The following EXOC6B variants were observed in gnomAD, a reference collection of about 807,000 sequenced individuals.
EXOC6B encodes SEC15 homolog B.
A neutral mutation model predicts 113.5 loss-of-function variants in EXOC6B; 54 were observed. The ratio of observed to expected loss-of-function variants is 0.48; its 90% CI spans 0.38 to 0.60. The LOEUF is 0.60. Among genes scored for constraint, EXOC6B ranks in the 20% least tolerant of loss-of-function variants. The pLI, the probability that EXOC6B is intolerant of heterozygous loss-of-function variation, is 0.00. For missense variants in EXOC6B, 797 were observed against 977.5 expected (o/e 0.82, Z 2.46); for synonymous variants, 357 against 339.0 (o/e 1.05, Z -0.58).
intron 18 of EXOC6B, among the ~76,000 whole-genome samples, chr2:72,384,884 G>A (rs189553386): frequency 2.0e-5 from 3 of 152,088 alleles, no homozygotes; most frequent in East Asian, 1.9e-4. Context: ...ATGGAAAGAC[G>A]TATCATGTTC....
intron 20 of EXOC6B, among the ~76,000 whole-genome samples, chr2:72,237,744 C>T (rs911391701): frequency 6.6e-6 from 1 of 152,112 alleles, no homozygotes; most frequent in Non-Finnish European, 1.5e-5. Context: ...CAGAGTCTGA[C>T]ATTATGGCAG....
At chr2:72,318,948 T>C (rs1201420262) in intron 20 of EXOC6B, among the ~76,000 whole-genome samples, 1 of 151,594 alleles carries the variant, frequency 6.6e-6, no homozygotes, top group Middle Eastern at 3.2e-3. Flanking sequence ...GTTGGGCTTC[T>C]ATAAAACTGA....
rs1159404302 is a variant in EXOC6B, at chr2:72,575,682, G to A, written c.670-14C>T. 8 of 1,559,136 alleles carry A rather than the reference G, an allele frequency of 5.1e-6. No homozygotes were observed. The highest frequency in any genetic ancestry group is 4.8e-5 in the East Asian group (2 of 41,316). On this transcript the variant is annotated splice_polypyrimidine_tract_variant and intron_variant, in intron 6 of 21. Transcript: ENST00000272427. ...TTGCTGCTGGGCCTAGGATAGAGAA[G>A]AACACACACAAACACACCAAAAAGG...
In EXOC6B at chr2:72,177,313, A is replaced by G. The variant is rs1349551888; in HGVS notation, c.*2022T>C. 3.3e-5 allele frequency: 5 copies of G among 152,350 alleles called. No homozygotes were observed. Among genetic ancestry groups the G allele is most frequent in the African/African-American group, 1.2e-4 (5 of 41,580 alleles). The allele number at this position is 152,350 out of a possible 1,614,324, so 9.4% of individuals were successfully genotyped here. ...GACAAACACTGTGCCATGCTTACAC[A>G]TCTCTCCATTTCCACTTCAAAGTCT... On this transcript the variant is annotated 3_prime_UTR_variant, in exon 22 of 22. Transcript: ENST00000272427.
intron 20 of EXOC6B, among the ~76,000 whole-genome samples, chr2:72,211,125 G>C (rs1680160559): frequency 6.6e-6 from 1 of 152,052 alleles, no homozygotes; most frequent in South Asian, 2.1e-4. Flanking sequence ...TAACTGCCTG[G>C]GCGCCTGCAA....
At chr2:72,738,726 A>C (rs546569649) in intron 2 of EXOC6B, among the ~76,000 whole-genome samples, 1 of 152,276 alleles carries the variant, frequency 6.6e-6, no homozygotes, top group African/African-American at 2.4e-5. Flanking sequence ...GTGTAATAGC[A>C]ACACTTTGGG....
chr2:72,721,981 C>T (rs1007287831), intron 5 of EXOC6B: 1 of 143,252 alleles, frequency 7.0e-6, no homozygotes, highest in African/African-American at 2.6e-5. Context: ...CATTGCAGTA[C>T]CTCCAGGAAT....
chr2:72,360,943 A>AC (rs1296784745), intron 19 of EXOC6B, among the ~76,000 whole-genome samples: 2 of 151,496 alleles, frequency 1.3e-5, no homozygotes, highest in East Asian at 3.9e-4. Context: ...AAAAAAAAAA[A>AC]AAAAAAAATT....
At position 72,190,026 on chromosome 2, in the gene EXOC6B, CCTT is replaced by C. The variant is rs1678730972; in HGVS notation, c.2197-5842_2197-5840del. Among the ~76,000 whole-genome samples, 3 of 141,388 alleles carry C rather than the reference CCTT, an allele frequency of 2.1e-5. No individual in the cohort carries two copies. In the South Asian group the frequency reaches 7.9e-4, roughly 37 times the overall value. 92.8% of individuals were successfully genotyped at this position (141,388 alleles called of 152,430 possible). On this transcript the variant is annotated intron_variant, in intron 20 of 21. Coordinates refer to ENST00000272427, the MANE Select transcript of EXOC6B (RefSeq NM_015189.3). ...CTTTCCCTCCCTCCCTCCCTTCCTTCCTTCTTCTCTCTTTTTTCCTAAGAGACC... is the reference window on the plus strand; with the variant it reads ...CTTTCCCTCCCTCCCTCCCTTCCTTCCTTCTCTCTTTTTTCCTAAGAGACC...
At position 72,289,732 on chromosome 2, in the gene EXOC6B, G is replaced by C. The variant is rs528470550; in HGVS notation, c.2196+45215C>G. 4.0e-4 allele frequency among the ~76,000 whole-genome samples: 61 copies of C among 152,270 alleles called. 1 individual carries two copies. The South Asian group carries it at 0.012, about 31-fold the overall frequency. ...AGATTCACACCTGAATTGGTAGACTGAGTAAAGAAGATTGCCAGCCAGGTA... is the reference window on the plus strand; with the variant it reads ...AGATTCACACCTGAATTGGTAGACTCAGTAAAGAAGATTGCCAGCCAGGTA... On this transcript the variant is annotated intron_variant, in intron 20 of 21. Coordinates refer to ENST00000272427, the MANE Select transcript of EXOC6B (RefSeq NM_015189.3).
chr2:72,431,817 G>A (rs150994712), intron 18 of EXOC6B, among the ~76,000 whole-genome samples: 1 of 151,908 alleles, frequency 6.6e-6, no homozygotes, highest in East Asian at 1.9e-4. Flanking sequence ...ACCCCAACGA[G>A]CCCTGGTGTG....
intron 17 of EXOC6B, among the ~76,000 whole-genome samples, chr2:72,472,704 C>A (rs993625841): frequency 6.6e-6 from 1 of 151,872 alleles, no homozygotes; most frequent in African/African-American, 2.4e-5. Context: ...CTATGATCTG[C>A]ATTATTTCCT....
intron 18 of EXOC6B, among the ~76,000 whole-genome samples, chr2:72,435,409 T>C (rs1325426570): frequency 1.3e-5 from 2 of 152,224 alleles, no homozygotes; most frequent in Non-Finnish European, 2.9e-5. Flanking sequence ...GTTCTGTAGA[T>C]GTCTATTAGG....
intron 18 of EXOC6B, among the ~76,000 whole-genome samples, chr2:72,431,181 G>A (rs1381007002): frequency 1.3e-5 from 2 of 152,126 alleles, no homozygotes; most frequent in Non-Finnish European, 2.9e-5. Context: ...TTAATACTTA[G>A]TGTTTAAATA....
chr2:72,529,289 G>A (rs1336655624), intron 8 of EXOC6B, among the ~76,000 whole-genome samples: 3 of 152,096 alleles, frequency 2.0e-5, no homozygotes, highest in African/African-American at 7.2e-5. Context: ...ATGATCATGT[G>A]ATTTTTCTTC....
intron 6 of EXOC6B, among the ~76,000 whole-genome samples, chr2:72,662,949 G>C (rs1675128557): frequency 1.3e-5 from 2 of 152,052 alleles, no homozygotes. Flanking sequence ...TCAATCTCCT[G>C]ACCTTGTGAT....
chr2:72,643,542 T>C (rs1004293988), intron 6 of EXOC6B, among the ~76,000 whole-genome samples: 1 of 146,572 alleles, frequency 6.8e-6, no homozygotes, highest in African/African-American at 2.5e-5. Context: ...ATATTCTCAC[T>C]CATAGGTGGG....
chr2:72,744,963 T>C (rs971311411), intron 1 of EXOC6B, among the ~76,000 whole-genome samples: 2 of 152,196 alleles, frequency 1.3e-5, no homozygotes, highest in Admixed American at 6.5e-5. Context: ...GCTTGCTATA[T>C]ATAGGTCTTT....
chr2:72,752,327 A>G (rs559843998), intron 1 of EXOC6B, among the ~76,000 whole-genome samples: 7 of 152,218 alleles, frequency 4.6e-5, no homozygotes, highest in East Asian at 1.9e-4. Context: ...TCAATGCAAG[A>G]CTAATCCTAT....
Sources: gnomAD v4.1 joint callset for allele counts (sites outside exome capture counted in the v4.1 genomes callset) on GRCh38, gnomAD v4.1.1 for gene constraint, MANE v1.5 for transcripts, NCBI Gene and HGNC (gene_info 2026-07-23, HGNC 2026-07-21) for gene names.